GNA15: variants seen among roughly 807,000 people sequenced by gnomAD.
GNA15 encodes the protein guanine nucleotide-binding protein subunit alpha-15.
GNA15 carries 23 observed loss-of-function variants against 40.1 expected under a neutral mutation model. The observed-to-expected ratio is 0.57, with a 90% CI of 0.41 to 0.81. The LOEUF (loss-of-function observed/expected upper bound fraction) is 0.81, where lower values mean the gene tolerates loss of function less well. Ranked by LOEUF, GNA15 falls within the 40% of genes least tolerant of loss-of-function variation. The pLI, the probability that GNA15 is intolerant of heterozygous loss-of-function variation, is 0.00. For synonymous variants in GNA15, 226 were observed against 210.4 expected, an observed-to-expected ratio of 1.07 and a Z score of -0.64; for missense variants, 522 against 515.8, an observed-to-expected ratio of 1.01 and a Z score of -0.12.
chr19:3,146,757 G>A (rs1298422079), intron 1 of GNA15, among the ~76,000 whole-genome samples: 2 of 151,260 alleles, frequency 1.3e-5, no homozygotes, highest in African/African-American at 4.9e-5. Flanking sequence ...TGTCCTCCCT[G>A]CAGCAGCCAC....
intron 3 of GNA15, among the ~76,000 whole-genome samples, chr19:3,150,849 T>G (rs1914864629): frequency 6.8e-6 from 1 of 147,508 alleles, no homozygotes; most frequent in Non-Finnish European, 1.5e-5. Flanking sequence ...CCTGTTCCCG[T>G]GAGGACCCTG....
rs1189712544 is a variant in GNA15, at chr19:3,155,800, G to A, written c.615-23G>A. The A allele has an allele frequency of 1.2e-6, 2 of 1,608,990 alleles. No homozygotes were observed. The highest frequency in any genetic ancestry group is 1.7e-6 in the Non-Finnish European group (2 of 1,178,708). On this transcript the variant is annotated intron_variant, in intron 4 of 6. Coordinates refer to ENST00000262958, the MANE Select transcript of GNA15 (RefSeq NM_002068.4). This position sits in a 1 kb window ranked among gnomAD's most constrained non-coding sequence, Gnocchi z 5.6. ...CGGAGCAGGCTCCTGAGCTCTGAAA[G>A]GGGGCACCTCGGTTCCCTGTAGGAT...
rs1191541856 is a variant in GNA15, at chr19:3,136,751, C to T, written c.145+156C>T. Among the ~76,000 whole-genome samples the T allele has an allele frequency of 2.0e-5, 3 of 152,222 alleles. No homozygotes were observed. Among genetic ancestry groups the T allele is most frequent in the Admixed American group, 6.5e-5 (1 of 15,284 alleles). On this transcript the variant is annotated intron_variant, in intron 1 of 6. Transcript: ENST00000262958. The surrounding 1 kb of genome is among the most constrained non-coding windows in gnomAD (Gnocchi z 4.9). ...GAATGGGGAGCCTGGAACCCATTTT[C>T]CAGATGAGAAAGACTGAGGTTCAGA...
chr19:3,147,446 G>T (rs1914751527), intron 1 of GNA15, among the ~76,000 whole-genome samples: 1 of 151,570 alleles, frequency 6.6e-6, no homozygotes, highest in Non-Finnish European at 1.5e-5. Flanking sequence ...CCAGCTACTT[G>T]GGAGGCTGAG....
At chr19:3,154,707 GTGAA>G (rs1424560139) in intron 4 of GNA15, among the ~76,000 whole-genome samples, 2 of 149,798 alleles carry the variant, frequency 1.3e-5, no homozygotes, top group Non-Finnish European at 3.0e-5. Flanking sequence ...GGATGGATGA[GTGAA>G]TGGCTGGATG....
intron 4 of GNA15, among the ~76,000 whole-genome samples, chr19:3,153,982 A>G (rs1914942799): frequency 2.7e-5 from 4 of 148,984 alleles, no homozygotes; most frequent in Admixed American, 2.7e-4. Context: ...ATGGGTGAAC[A>G]GATGGGTGGA....
At chr19:3,148,846 C>G (rs547819389) in intron 2 of GNA15, 71 bp downstream of exon 2, 2 of 1,442,730 alleles carry the variant, frequency 1.4e-6, no homozygotes, top group African/African-American at 1.4e-5. Context: ...GACCCCGGAG[C>G]AGGGCCAAGT....
At chr19:3,149,041 G>A (rs74811695) in intron 2 of GNA15, 9 of 265,026 alleles carry the variant, frequency 3.4e-5, no homozygotes, top group East Asian at 8.4e-5. Context: ...GGACACACAC[G>A]TACATGCTCA....
At chr19:3,140,583 T>A (rs1914556102) in intron 1 of GNA15, among the ~76,000 whole-genome samples, 1 of 152,176 alleles carries the variant, frequency 6.6e-6, no homozygotes, top group South Asian at 2.1e-4. Flanking sequence ...TTTTTCTTCC[T>A]GGCCCTCACT....
chr19:3,151,271 TAGGGGGG>T lies in GNA15; in HGVS notation c.486-434_486-428del, dbSNP rs1433631234. 6.6e-6 allele frequency among the ~76,000 whole-genome samples: 1 copy of T among 151,692 alleles called. No homozygotes were observed. Among genetic ancestry groups the T allele is most frequent in the Non-Finnish European group, 1.5e-5 (1 of 67,844 alleles). Reference sequence around the variant, plus strand: ...CCCTGTTCCTAAAGTGACCCTGTTTTAGGGGGGACTCTGTTCCAGGGGAGACCCTGTT... The same window carrying T: ...CCCTGTTCCTAAAGTGACCCTGTTTTACTCTGTTCCAGGGGAGACCCTGTT... On this transcript the variant is annotated intron_variant, in intron 3 of 6. Coordinates refer to ENST00000262958, the MANE Select transcript of GNA15 (RefSeq NM_002068.4). This position sits in a 1 kb window ranked among gnomAD's most constrained non-coding sequence, Gnocchi z 5.0.
intron 1 of GNA15, among the ~76,000 whole-genome samples, chr19:3,138,284 G>A (rs1008760406): frequency 6.6e-5 from 10 of 152,088 alleles, no homozygotes; most frequent in Admixed American, 6.6e-4. Flanking sequence ...AAAAAATTCT[G>A]ATCTCTGAAA....
chr19:3,147,655 C>A (rs1341017042), intron 1 of GNA15, among the ~76,000 whole-genome samples: 1 of 151,566 alleles, frequency 6.6e-6, no homozygotes, highest in Non-Finnish European at 1.5e-5. Flanking sequence ...GCTTGTAATC[C>A]CAGCACTTTG....
rs772463366 is a variant in GNA15 at position 3,150,006 on chromosome 19, GGAA to G, written c.331-120_331-118del. ...TGTGCGGGGGGGTCGGGAGCTCTGG[GGAA>G]GAAGGAGAGCAGTGGGAAGAGAGCG... On this transcript the variant is annotated intron_variant, in intron 2 of 6. Transcript: ENST00000262958. The G allele has an allele frequency of 3.3e-5, 25 of 756,960 alleles. 1 individual carries two copies. Among genetic ancestry groups the G allele is most frequent in the South Asian group, 1.9e-4 (11 of 56,966 alleles). The allele number at this position is 756,960 out of a possible 1,614,324, so 46.9% of individuals were successfully genotyped here.
intron 6 of GNA15, among the ~76,000 whole-genome samples, chr19:3,161,926 G>A (rs1241993753): frequency 6.6e-6 from 1 of 151,132 alleles, no homozygotes; most frequent in East Asian, 2.0e-4. Flanking sequence ...CCAGTTACTC[G>A]GGAGGCTGAG....
At position 3,150,273 on chromosome 19, in the gene GNA15, A is replaced by T. The variant is rs778829713; in HGVS notation, c.473A>T (p.Asp158Val). Residue 158 changes from aspartate to valine, a missense_variant, in exon 3 of 7, where the codon GAT becomes GTT. Asp to Val is a radical substitution (Grantham distance 152). Transcript: ENST00000262958. ...YERRREFHLL[D>V]SAVYYLSHLE... ...CGTCGGCGGGAATTCCACCTGCTCG[A>T]TTCAGCCGTGTAGTGAGTCTGGGGT... is the stretch of plus-strand genomic sequence containing the variant. 6.3e-7 allele frequency: 1 copy of T among 1,594,964 alleles called. No individual in the cohort carries two copies.
intron 6 of GNA15, among the ~76,000 whole-genome samples, chr19:3,158,859 C>G (rs549934016): frequency 7.9e-5 from 12 of 152,026 alleles, no homozygotes; most frequent in African/African-American, 2.9e-4. Context: ...TGGTCTCGAA[C>G]TGACCTCAAG....
At chr19:3,153,937 ATAGATGGG>A (rs1914941699) in intron 4 of GNA15, among the ~76,000 whole-genome samples, 1 of 148,642 alleles carries the variant, frequency 6.7e-6, no homozygotes, top group Non-Finnish European at 1.5e-5. Flanking sequence ...GAGTGAGTGG[ATAGATGGG>A]TAGATGGATG....
At chr19:3,146,960 C>T (rs1162612808) in intron 1 of GNA15, among the ~76,000 whole-genome samples, 1 of 151,944 alleles carries the variant, frequency 6.6e-6, no homozygotes, top group African/African-American at 2.4e-5. Context: ...CCTCACTGTT[C>T]CTCCAATATG....
rs538820416 is a variant in GNA15 at position 3,156,478 on chromosome 19, G to A, written c.744+526G>A. 6.4e-3 allele frequency among the ~76,000 whole-genome samples: 955 copies of A among 150,264 alleles called. 9 individuals are homozygous for A. The highest frequency in any genetic ancestry group is 0.021 in the South Asian group (98 of 4,744). On this transcript the variant is annotated intron_variant, in intron 5 of 6. Coordinates refer to ENST00000262958, the MANE Select transcript of GNA15 (RefSeq NM_002068.4). Reference sequence around the variant, plus strand: ...CACACGCACACACAGGCACACACACGCACACACAGGCACACAGGCACACAC... The same window carrying A: ...CACACGCACACACAGGCACACACACACACACACAGGCACACAGGCACACAC...
Sources: allele counts gnomAD v4.1 joint callset (sites outside exome capture counted in the v4.1 genomes callset), GRCh38; gene constraint gnomAD v4.1.1; non-coding constraint Gnocchi (gnomAD v3.1); transcripts MANE v1.5; gene names NCBI Gene and HGNC (gene_info 2026-07-23, HGNC 2026-07-21).